CHL1: variants seen among roughly 807,000 people sequenced by gnomAD.
CHL1 encodes the protein cell adhesion molecule L1 like.
Under a neutral mutation model 141.9 loss-of-function variants are expected in CHL1, and 96 were observed. That is an observed-to-expected ratio of 0.68 (90% CI 0.57 to 0.80). The LOEUF (loss-of-function observed/expected upper bound fraction) is 0.80, where lower values mean the gene tolerates loss of function less well. Ranked by LOEUF, CHL1 falls within the 30% of genes least tolerant of loss-of-function variation. The pLI, the probability that CHL1 is intolerant of heterozygous loss-of-function variation, is 0.00. For missense variants in CHL1, 1,820 were observed against 1,457.2 expected, an observed-to-expected ratio of 1.25 and a Z score of -4.05; for synonymous variants, 613 against 502.2, an observed-to-expected ratio of 1.22 and a Z score of -2.95.
At chr3:304,267 G>A (rs1026190611) in intron 2 of CHL1, among the ~76,000 whole-genome samples, 1 of 152,172 alleles carries the variant, frequency 6.6e-6, no homozygotes, top group Non-Finnish European at 1.5e-5. Flanking sequence ...AAATGAGTTA[G>A]GGAGGATTCC....
chr3:384,586 G>A (rs1274697167), intron 19 of CHL1: 5 of 152,002 alleles, frequency 3.3e-5, no homozygotes, highest in African/African-American at 1.2e-4. Context: ...TTATTCTAGG[G>A]TCATTTCCAA....
intron 15 of CHL1, among the ~76,000 whole-genome samples, chr3:377,022 C>A (rs1706410724): frequency 6.6e-6 from 1 of 152,172 alleles, no homozygotes; most frequent in Non-Finnish European, 1.5e-5. Context: ...CTTTCCTCCT[C>A]ACAAGGATGA....
intron 1 of CHL1, among the ~76,000 whole-genome samples, chr3:200,114 G>A (rs879372753): frequency 2.0e-5 from 3 of 152,142 alleles, no homozygotes; most frequent in Non-Finnish European, 2.9e-5. Flanking sequence ...TGTTTCCCAG[G>A]AGCTTTGGCA....
At chr3:211,439 A>G (rs1699897991) in intron 1 of CHL1, among the ~76,000 whole-genome samples, 1 of 152,186 alleles carries the variant, frequency 6.6e-6, no homozygotes. Context: ...ATTCCTCTCC[A>G]AATTCTCTCT....
At chr3:201,193 CT>C (rs1165908861) in intron 1 of CHL1, among the ~76,000 whole-genome samples, 2 of 152,178 alleles carry the variant, frequency 1.3e-5, no homozygotes, top group Admixed American at 1.3e-4. Flanking sequence ...GCTTGGCAAC[CT>C]GACATTATTC....
At chr3:271,546 G>T (rs146267649) in intron 2 of CHL1, among the ~76,000 whole-genome samples, 10 of 152,232 alleles carry the variant, frequency 6.6e-5, no homozygotes, top group Admixed American at 2.0e-4. Context: ...AGAATTTCTC[G>T]CAAGATATAA....
intron 2 of CHL1, among the ~76,000 whole-genome samples, chr3:274,172 T>C (rs765421953): frequency 6.6e-6 from 1 of 152,178 alleles, no homozygotes; most frequent in Non-Finnish European, 1.5e-5. Flanking sequence ...CTTGACTAAC[T>C]AACCTATACA....
intron 1 of CHL1, among the ~76,000 whole-genome samples, chr3:231,300 CT>C (rs1199052150): frequency 6.6e-6 from 1 of 151,394 alleles, no homozygotes; most frequent in African/African-American, 2.4e-5. Flanking sequence ...TTCCTTCCTC[CT>C]TCCTCTCCTC....
intron 1 of CHL1, among the ~76,000 whole-genome samples, chr3:237,334 G>GT (rs1477025176): frequency 6.6e-6 from 1 of 152,200 alleles, no homozygotes; most frequent in African/African-American, 2.4e-5. Context: ...TGCCATGATT[G>GT]TAAGTCTCCT....
chr3:341,836 A>G (rs1235401443), intron 6 of CHL1, 76 bp from the exon 7 acceptor site: 2 of 1,212,560 alleles, frequency 1.6e-6, no homozygotes, highest in Non-Finnish European at 2.2e-6. Context: ...ATAATAATGT[A>G]AAAGAAAATG....
chr3:400,580 T>A (rs1411292763), intron 26 of CHL1, among the ~76,000 whole-genome samples: 1 of 88,882 alleles, frequency 1.1e-5, no homozygotes, highest in Non-Finnish European at 2.1e-5. Context: ...AATTTGTATT[T>A]GAGGGCTTTT....
chr3:378,255 TGTACAAAGAAATG>T (rs1272584914), intron 16 of CHL1, among the ~76,000 whole-genome samples: 2 of 152,100 alleles, frequency 1.3e-5, no homozygotes, highest in African/African-American at 2.4e-5. Flanking sequence ...TCTTTCCTGG[TGTACAAAGAAATG>T]GGGCTGAGGA....
intron 19 of CHL1, among the ~76,000 whole-genome samples, chr3:388,015 A>T (rs1268253066): frequency 2.0e-5 from 3 of 152,228 alleles, no homozygotes; most frequent in African/African-American, 7.2e-5. Flanking sequence ...TAAGAACACT[A>T]TGTATGACAT....
At chr3:339,231 A>G (rs963726040) in intron 5 of CHL1, among the ~76,000 whole-genome samples, 8 of 152,198 alleles carry the variant, frequency 5.3e-5, no homozygotes, top group African/African-American at 9.7e-5. Flanking sequence ...AACGTTTTGT[A>G]TATTACTATG....
At chr3:401,796 A>C in intron 27 of CHL1, 98 bp downstream of exon 27, 1 of 695,998 alleles carries the variant, frequency 1.4e-6, no homozygotes, top group Non-Finnish European at 2.4e-6. Flanking sequence ...AAGGTTACAT[A>C]ACTACAATGT....
Position 324,294 on chromosome 3 carries a change from T to A in CHL1, c.92-1665T>A, listed in dbSNP as rs553599979. Among the ~76,000 whole-genome samples, 394 of 152,218 alleles carry A rather than the reference T, an allele frequency of 2.6e-3. 1 individual carries two copies. Among genetic ancestry groups the A allele is most frequent in the Non-Finnish European group, 3.7e-3 (253 of 67,984 alleles). On this transcript the variant is annotated intron_variant, in intron 3 of 27. Transcript: ENST00000256509. The stretch of plus-strand genomic sequence containing the variant: ...TTATTTAAGTTAGGCTCTGTGCCTG[T>A]CTCCAAATTGCTTTTCTCATACTTT...
chr3:329,919 T>C (rs1559263717), intron 5 of CHL1, among the ~76,000 whole-genome samples: 1 of 151,944 alleles, frequency 6.6e-6, no homozygotes, highest in East Asian at 1.9e-4. Context: ...CAAAGAGAAA[T>C]AGACAAATTC....
intron 1 of CHL1, among the ~76,000 whole-genome samples, chr3:203,437 G>C (rs556965928): frequency 1.3e-5 from 2 of 152,174 alleles, no homozygotes; most frequent in African/African-American, 2.4e-5. Context: ...ACATATCTTC[G>C]CTGGGTAAAA....
chr3:351,808 C>T (rs1366167667), intron 10 of CHL1, among the ~76,000 whole-genome samples: 1 of 152,070 alleles, frequency 6.6e-6, no homozygotes, highest in Non-Finnish European at 1.5e-5. Flanking sequence ...TCAGACTGCA[C>T]TTCAAATCCT....
Sources: gnomAD v4.1 joint callset for allele counts (sites outside exome capture counted in the v4.1 genomes callset) on GRCh38, gnomAD v4.1.1 for gene constraint, MANE v1.5 for transcripts, NCBI Gene and HGNC (gene_info 2026-07-23, HGNC 2026-07-21) for gene names.